Variants in TDRD5 observed in about 807,000 individuals in gnomAD.
TDRD5 encodes tudor domain containing 5.
TDRD5 carries 41 observed loss-of-function variants against 120.6 expected under a neutral mutation model. The observed-to-expected ratio is 0.34, with a 90% CI of 0.26 to 0.44. The LOEUF is 0.44. Among genes scored for constraint, TDRD5 ranks in the 20% least tolerant of loss-of-function variants. The pLI is 1.00. For synonymous variants in TDRD5, 430 were observed against 433.7 expected, an observed-to-expected ratio of 0.99 and a Z score of 0.11; for missense variants, 1,006 against 1,221.2, an observed-to-expected ratio of 0.82 and a Z score of 2.63.
chr1:179,613,705 A>G (rs1324886737), intron 4 of TDRD5, among the ~76,000 whole-genome samples: 2 of 152,170 alleles, frequency 1.3e-5, no homozygotes, highest in African/African-American at 4.8e-5. Context: ...AGGGGCACTA[A>G]TCCCATTCAT....
chr1:179,652,457 T>G (rs2102066812), intron 13 of TDRD5, among the ~76,000 whole-genome samples: 1 of 152,308 alleles, frequency 6.6e-6, no homozygotes, highest in African/African-American at 2.4e-5. Flanking sequence ...AATGCTATTC[T>G]TCTTCCCTCT....
intron 4 of TDRD5, among the ~76,000 whole-genome samples, chr1:179,597,650 G>T (rs1376294515): frequency 1.3e-5 from 2 of 151,868 alleles, no homozygotes; most frequent in African/African-American, 4.8e-5. Flanking sequence ...TTTTATTCTT[G>T]CCTATCTAAT....
intron 11 of TDRD5, among the ~76,000 whole-genome samples, chr1:179,643,071 C>G (rs1678140886): frequency 6.6e-6 from 1 of 152,126 alleles, no homozygotes; most frequent in Non-Finnish European, 1.5e-5. Flanking sequence ...TGCCCAAATC[C>G]TTGGGTGACT....
intron 17 of TDRD5, among the ~76,000 whole-genome samples, chr1:179,672,646 G>A (rs1007092256): frequency 6.6e-6 from 1 of 152,078 alleles, no homozygotes; most frequent in Non-Finnish European, 1.5e-5. Context: ...TTGCTTCTGG[G>A]TTCTTGATCA....
intron 11 of TDRD5, among the ~76,000 whole-genome samples, chr1:179,647,841 A>G (rs1678473907): frequency 6.9e-6 from 1 of 144,264 alleles, no homozygotes; most frequent in African/African-American, 2.5e-5. Flanking sequence ...AAAACATATG[A>G]AAAAATGCTC....
Position 179,603,455 on chromosome 1 carries a change from A to G in TDRD5, c.831+7637A>G, listed in dbSNP as rs186699285. Among the ~76,000 whole-genome samples the G allele has an allele frequency of 4.6e-3, 701 of 152,276 alleles. 12 individuals are homozygous for G. The highest frequency in any genetic ancestry group is 0.016 in the African/African-American group (681 of 41,556). Reference sequence around the variant, plus strand: ...AGAGTGGGCATCTTTGTCATCTTCCAGCTCTCAGAGGGAATGCTTTCAACT... The same window carrying G: ...AGAGTGGGCATCTTTGTCATCTTCCGGCTCTCAGAGGGAATGCTTTCAACT... On this transcript the variant is annotated intron_variant, in intron 4 of 17. Coordinates refer to ENST00000444136, the MANE Select transcript of TDRD5 (RefSeq NM_001199085.3).
Position 179,635,759 on chromosome 1 carries a change from C to G in TDRD5, c.1392C>G (p.Leu464=). 6.2e-7 allele frequency: 1 copy of G among 1,614,062 alleles called. No individual in the cohort carries two copies. The highest frequency in any genetic ancestry group is 8.5e-7 in the Non-Finnish European group (1 of 1,180,008). ...DAVPNKKLCR[L]PPLDTSSLIG... The stretch of plus-strand genomic sequence containing the variant: ...TGCCGAACAAGAAATTATGCAGACT[C>G]CCACCATTAGACACCAGTTCCCTCA... The change falls in exon 9 of 18, where the codon CTC becomes CTG. Residue 464 remains leucine (L), a synonymous_variant. Coordinates refer to ENST00000444136, the MANE Select transcript of TDRD5 (RefSeq NM_001199085.3).
intron 4 of TDRD5, 117 bp from the exon 5 acceptor site, chr1:179,618,482 A>C: frequency 1.7e-6 from 1 of 589,732 alleles, no homozygotes; most frequent in Non-Finnish European, 2.9e-6. Context: ...TATTTTGTCT[A>C]TTTAATTGCA....
At chr1:179,605,853 A>C (rs1291109202) in intron 4 of TDRD5, among the ~76,000 whole-genome samples, 1 of 152,080 alleles carries the variant, frequency 6.6e-6, no homozygotes, top group East Asian at 1.9e-4. Context: ...CAGTTTATCC[A>C]CTTGTACTGA....
chr1:179,682,546 T>C (rs916567731), intron 17 of TDRD5, among the ~76,000 whole-genome samples: 1 of 152,192 alleles, frequency 6.6e-6, no homozygotes, highest in Non-Finnish European at 1.5e-5. Flanking sequence ...GCTTCATCCA[T>C]GTCCCTGCAA....
intron 17 of TDRD5, among the ~76,000 whole-genome samples, chr1:179,675,273 ATTT>A (rs1172444253): frequency 3.0e-5 from 2 of 66,620 alleles, no homozygotes; most frequent in South Asian, 1.1e-3. Flanking sequence ...TATTATTATT[ATTT>A]TTTTTTTTTT....
chr1:179,688,465 G>A (rs551290029), intron 17 of TDRD5, among the ~76,000 whole-genome samples: 11 of 152,264 alleles, frequency 7.2e-5, no homozygotes, highest in Non-Finnish European at 1.3e-4. Flanking sequence ...TTTCTCTCTG[G>A]CTGCGTTTAA....
chr1:179,640,126 T>C, intron 10 of TDRD5, 75 bp downstream of exon 10: 1 of 1,464,592 alleles, frequency 6.8e-7, no homozygotes, highest in Non-Finnish European at 9.4e-7. Flanking sequence ...GGGGTTGGGA[T>C]CTCTCTTTTC....
At chr1:179,645,960 A>C (rs1202063818) in intron 11 of TDRD5, among the ~76,000 whole-genome samples, 1 of 152,024 alleles carries the variant, frequency 6.6e-6, no homozygotes, top group African/African-American at 2.4e-5. Flanking sequence ...CTATCTTTAT[A>C]TTTAGATATG....
chr1:179,638,007 T>C (rs1292379355), intron 9 of TDRD5, among the ~76,000 whole-genome samples: 1 of 152,088 alleles, frequency 6.6e-6, no homozygotes, highest in Non-Finnish European at 1.5e-5. Flanking sequence ...AGGCCAACAT[T>C]AACAAAGGAG....
At chr1:179,645,084 T>C (rs777887243) in intron 11 of TDRD5, among the ~76,000 whole-genome samples, 44,555 of 129,532 alleles carry the variant, frequency 0.34, 7,090 homozygotes, top group Admixed American at 0.41. Flanking sequence ...TTCTTTTTTT[T>C]TTTTTTTTTT....
intron 13 of TDRD5, among the ~76,000 whole-genome samples, chr1:179,653,302 A>C (rs1678819331): frequency 6.6e-6 from 1 of 152,198 alleles, no homozygotes; most frequent in Non-Finnish European, 1.5e-5. Flanking sequence ...TGTATATCTG[A>C]CTTTTAAAAT....
At chr1:179,597,782 A>C (rs1032055592) in intron 4 of TDRD5, among the ~76,000 whole-genome samples, 5 of 152,148 alleles carry the variant, frequency 3.3e-5, no homozygotes, top group Admixed American at 6.5e-5. Context: ...CCAGGCATGG[A>C]TCAAAGTTTT....
At chr1:179,603,841 T>C (rs1467157683) in intron 4 of TDRD5, among the ~76,000 whole-genome samples, 4 of 152,190 alleles carry the variant, frequency 2.6e-5, no homozygotes, top group Non-Finnish European at 4.4e-5. Context: ...TAGTTTTCTT[T>C]TTTTGTTATG....
Sources: allele counts gnomAD v4.1 joint callset (sites outside exome capture counted in the v4.1 genomes callset), GRCh38; gene constraint gnomAD v4.1.1; transcripts MANE v1.5; gene names NCBI Gene and HGNC (gene_info 2026-07-23, HGNC 2026-07-21).